Variants in PTPN4 observed in about 807,000 individuals in gnomAD.
PTPN4 encodes tyrosine-protein phosphatase non-receptor type 4.
PTPN4 carries 49 observed loss-of-function variants against 135.5 expected under a neutral mutation model. That is an observed-to-expected ratio of 0.36 (90% CI 0.29 to 0.46). The LOEUF is 0.46. Ranked by LOEUF, PTPN4 falls within the 20% of genes least tolerant of loss-of-function variation. The pLI is 1.00. For missense variants in PTPN4, 860 were observed against 1,101.0 expected (o/e 0.78, Z 3.10); for synonymous variants, 333 against 369.9 (o/e 0.90, Z 1.14).
intron 1 of PTPN4, among the ~76,000 whole-genome samples, chr2:119,770,799 T>A (rs1200429647): frequency 6.6e-6 from 1 of 152,120 alleles, no homozygotes; most frequent in African/African-American, 2.4e-5. Flanking sequence ...TCCTTTCACC[T>A]CTTTCTGTAT....
At chr2:119,764,432 T>C (rs1690570132) in intron 1 of PTPN4, among the ~76,000 whole-genome samples, 1 of 152,172 alleles carries the variant, frequency 6.6e-6, no homozygotes, top group Admixed American at 6.5e-5. Context: ...AAGAAAATAG[T>C]CTTGTTTTTT....
intron 2 of PTPN4, among the ~76,000 whole-genome samples, chr2:119,818,984 C>T (rs1244617674): frequency 6.6e-6 from 1 of 152,202 alleles, no homozygotes; most frequent in Non-Finnish European, 1.5e-5. Context: ...CCTGTGTACG[C>T]ACATCCTATG....
intron 2 of PTPN4, among the ~76,000 whole-genome samples, chr2:119,854,054 G>A (rs944220210): frequency 2.0e-5 from 3 of 152,134 alleles, no homozygotes; most frequent in Non-Finnish European, 4.4e-5. Flanking sequence ...GAGGCTGGAG[G>A]AGGCGGTGTC....
At chr2:119,964,741 T>G (rs1679422451) in intron 24 of PTPN4, among the ~76,000 whole-genome samples, 1 of 152,250 alleles carries the variant, frequency 6.6e-6, no homozygotes. Context: ...TAAAATAGTT[T>G]CTTTCCTTTT....
chr2:119,933,588 C>G (rs998274354), intron 14 of PTPN4, among the ~76,000 whole-genome samples: 6 of 151,074 alleles, frequency 4.0e-5, no homozygotes, highest in Non-Finnish European at 8.8e-5. Context: ...TTGCTAGAAC[C>G]CAGGAGGAAG....
intron 2 of PTPN4, among the ~76,000 whole-genome samples, chr2:119,825,631 G>A (rs1574354432): frequency 6.6e-6 from 1 of 151,960 alleles, no homozygotes; most frequent in African/African-American, 2.4e-5. Flanking sequence ...GAGTAGCTAG[G>A]ATTACAGATG....
At chr2:119,945,316 G>A in intron 16 of PTPN4, 76 bp downstream of exon 16, 2 of 1,345,446 alleles carry the variant, frequency 1.5e-6, no homozygotes, top group Middle Eastern at 2.1e-4. Flanking sequence ...TTGTACTTTG[G>A]CAGTTTTTAG....
At chr2:119,949,801 C>T (rs1435652291) in intron 18 of PTPN4, among the ~76,000 whole-genome samples, 1 of 152,062 alleles carries the variant, frequency 6.6e-6, no homozygotes, top group Non-Finnish European at 1.5e-5. Flanking sequence ...TATGATCACA[C>T]CACTACACTC....
intron 2 of PTPN4, among the ~76,000 whole-genome samples, chr2:119,853,210 A>C (rs1677623151): frequency 6.6e-6 from 1 of 152,180 alleles, no homozygotes; most frequent in Admixed American, 6.5e-5. Context: ...TTAATCTAGC[A>C]ATTGCTGAGA....
intron 1 of PTPN4, among the ~76,000 whole-genome samples, chr2:119,791,767 T>C (rs958980546): frequency 1.3e-5 from 2 of 152,208 alleles, no homozygotes; most frequent in African/African-American, 2.4e-5. Flanking sequence ...GGTATAAATC[T>C]CTTTGAGTTT....
At chr2:119,866,566 T>G (rs1348954639) in intron 3 of PTPN4, among the ~76,000 whole-genome samples, 1 of 152,146 alleles carries the variant, frequency 6.6e-6, no homozygotes, top group Non-Finnish European at 1.5e-5. Context: ...TCACTAATGC[T>G]GCTAGTCCAA....
At chr2:119,964,141 T>C (rs772503361) in intron 24 of PTPN4, among the ~76,000 whole-genome samples, 4 of 152,230 alleles carry the variant, frequency 2.6e-5, no homozygotes, top group Non-Finnish European at 5.9e-5. Context: ...GTTATAATTA[T>C]AGTGTTGAAT....
chr2:119,941,870 T>C (rs1459134060), intron 15 of PTPN4, among the ~76,000 whole-genome samples: 38 of 152,070 alleles, frequency 2.5e-4, no homozygotes, highest in Admixed American at 2.5e-3. Flanking sequence ...GTCTTGCAAG[T>C]AGCACGGGAT....
intron 1 of PTPN4, among the ~76,000 whole-genome samples, chr2:119,786,090 T>C (rs1691043221): frequency 6.6e-6 from 1 of 152,178 alleles, no homozygotes; most frequent in Non-Finnish European, 1.5e-5. Context: ...TTCTCCTCCT[T>C]TCATATAGCC....
At chr2:119,881,968 A>T (rs1423878214) in intron 6 of PTPN4, 129 bp from the exon 7 acceptor site, 1 of 1,091,966 alleles carries the variant, frequency 9.2e-7, no homozygotes, top group African/African-American at 1.6e-5. Context: ...CTTTCATCAG[A>T]TAAGTTTATT....
chr2:119,934,728 C>T, intron 14 of PTPN4, 72 bp from the exon 15 acceptor site: 1 of 1,459,392 alleles, frequency 6.9e-7, no homozygotes, highest in Non-Finnish European at 9.5e-7. Flanking sequence ...TCTGATGTAA[C>T]CATATATTAA....
At chr2:119,937,723 A>G (rs1351485552) in intron 15 of PTPN4, among the ~76,000 whole-genome samples, 1 of 152,202 alleles carries the variant, frequency 6.6e-6, no homozygotes, top group African/African-American at 2.4e-5. Context: ...CCAGCATAGT[A>G]CACTCGAATA....
intron 1 of PTPN4, among the ~76,000 whole-genome samples, chr2:119,763,031 G>A (rs1277971386): frequency 6.6e-6 from 1 of 152,112 alleles, no homozygotes; most frequent in Non-Finnish European, 1.5e-5. Flanking sequence ...TAGTATAGAT[G>A]ATGAGATAGG....
At chr2:119,766,309 G>A (rs903266203) in intron 1 of PTPN4, among the ~76,000 whole-genome samples, 3 of 152,194 alleles carry the variant, frequency 2.0e-5, no homozygotes, top group African/African-American at 7.2e-5. Flanking sequence ...ATCCACTATG[G>A]AATCAGAAAT....
Sources: allele counts gnomAD v4.1 joint callset (sites outside exome capture counted in the v4.1 genomes callset), GRCh38; gene constraint gnomAD v4.1.1; transcripts MANE v1.5; gene names NCBI Gene and HGNC (gene_info 2026-07-23, HGNC 2026-07-21).